Variants in ERBB4 observed in about 807,000 individuals in gnomAD.
ERBB4 encodes the protein receptor tyrosine-protein kinase erbB-4.
ERBB4 carries 42 observed loss-of-function variants against 158.0 expected under a neutral mutation model. That is an observed-to-expected ratio of 0.27 (90% CI 0.21 to 0.34). The LOEUF (loss-of-function observed/expected upper bound fraction) is 0.34, where lower values mean the gene tolerates loss of function less well. ERBB4 is among the 10% of genes least tolerant of loss of function. ERBB4 has a pLI of 1.00. For missense variants in ERBB4, 1,333 were observed against 1,624.1 expected (o/e 0.82, Z 3.08); for synonymous variants, 583 against 558.7 (o/e 1.04, Z -0.61).
intron 2 of ERBB4, among the ~76,000 whole-genome samples, chr2:212,001,105 G>T (rs1575496485): frequency 6.6e-6 from 1 of 151,848 alleles, no homozygotes; most frequent in Non-Finnish European, 1.5e-5. Context: ...CTAAATATTG[G>T]ATTATTTTTA....
intron 1 of ERBB4, among the ~76,000 whole-genome samples, chr2:212,375,118 A>G (rs1033934872): frequency 3.3e-5 from 5 of 152,020 alleles, no homozygotes; most frequent in African/African-American, 1.2e-4. Context: ...CTAATATAAC[A>G]CATTACTCTA....
intron 3 of ERBB4, among the ~76,000 whole-genome samples, chr2:211,875,036 A>AAAAAAAAAAAAAAAC (rs2078458140): frequency 6.9e-6 from 1 of 144,572 alleles, no homozygotes; most frequent in African/African-American, 2.5e-5. Flanking sequence ...AAAAAAAAAA[A>AAAAAAAAAAAAAAAC]AAAAAAAAAA....
At chr2:212,365,382 G>A (rs2089850021) in intron 1 of ERBB4, among the ~76,000 whole-genome samples, 1 of 151,606 alleles carries the variant, frequency 6.6e-6, no homozygotes, top group African/African-American at 2.4e-5. Flanking sequence ...AGACTGATGG[G>A]AAAATATGAA....
Position 211,903,974 on chromosome 2 carries a change from A to G in ERBB4, c.421+43456T>C, listed in dbSNP as rs114446044. 3.5e-3 allele frequency among the ~76,000 whole-genome samples: 535 copies of G among 152,236 alleles called. 3 individuals carry two copies. Among genetic ancestry groups the G allele is most frequent in the African/African-American group, 0.012 (509 of 41,560 alleles). ...GAACTCAAAACTAGCTGAAAGAACA[A>G]AATTACAACACATCAAATTATTAGC... On this transcript the variant is annotated intron_variant, in intron 3 of 27. Coordinates refer to ENST00000342788, the MANE Select transcript of ERBB4 (RefSeq NM_005235.3).
intron 20 of ERBB4, among the ~76,000 whole-genome samples, chr2:211,432,288 C>T (rs1237640446): frequency 6.6e-6 from 1 of 152,118 alleles, no homozygotes. Flanking sequence ...ACACATAAAT[C>T]ACACAGGTCA....
chr2:212,285,893 T>G (rs918630727), intron 1 of ERBB4, among the ~76,000 whole-genome samples: 1 of 152,208 alleles, frequency 6.6e-6, no homozygotes, highest in Non-Finnish European at 1.5e-5. Flanking sequence ...ATTTCTTGGA[T>G]GATAGGCCCC....
intron 23 of ERBB4, 96 bp from the exon 24 acceptor site, chr2:211,422,200 G>T: frequency 2.7e-5 from 20 of 752,338 alleles, no homozygotes; most frequent in East Asian, 2.9e-5. Context: ...TTTGAAAAAT[G>T]TTGTTTTAAT....
intron 2 of ERBB4, among the ~76,000 whole-genome samples, chr2:212,075,787 T>G (rs189107279): frequency 6.6e-6 from 1 of 152,054 alleles, no homozygotes; most frequent in East Asian, 1.9e-4. Flanking sequence ...TCTCATTTAT[T>G]TTTGAATTTT....
intron 16 of ERBB4, among the ~76,000 whole-genome samples, chr2:211,656,728 T>A (rs1020877535): frequency 6.6e-6 from 1 of 152,208 alleles, no homozygotes; most frequent in African/African-American, 2.4e-5. Flanking sequence ...ATGCAGTATG[T>A]ATTTTTTTTA....
chr2:212,362,258 T>C (rs2089716121), intron 1 of ERBB4, among the ~76,000 whole-genome samples: 1 of 151,454 alleles, frequency 6.6e-6, no homozygotes, highest in Admixed American at 6.6e-5. Flanking sequence ...AAATAAAGAC[T>C]TTGTAACTCA....
chr2:212,125,174 G>T, intron 1 of ERBB4: 1 of 407,328 alleles, frequency 2.5e-6, no homozygotes, highest in East Asian at 4.8e-5. Context: ...CATTTGTTAT[G>T]ACCATATAAA....
chr2:212,519,113 C>T (rs1052709931), intron 1 of ERBB4, among the ~76,000 whole-genome samples: 9 of 151,926 alleles, frequency 5.9e-5, no homozygotes, highest in African/African-American at 9.7e-5. Context: ...ACCTAAACTG[C>T]GTTTCTACAC....
intron 1 of ERBB4, among the ~76,000 whole-genome samples, chr2:212,361,659 C>A (rs948555191): frequency 6.6e-6 from 1 of 151,612 alleles, no homozygotes; most frequent in African/African-American, 2.4e-5. Context: ...ATAGTTAGGG[C>A]AAGGGGCTTG....
intron 3 of ERBB4, among the ~76,000 whole-genome samples, chr2:211,915,261 T>C (rs965807011): frequency 6.6e-6 from 1 of 152,124 alleles, no homozygotes; most frequent in Non-Finnish European, 1.5e-5. Flanking sequence ...CTACCATTCC[T>C]TGGTAGCTAA....
chr2:211,661,768 G>A (rs535887831), intron 15 of ERBB4, among the ~76,000 whole-genome samples: 2 of 151,712 alleles, frequency 1.3e-5, no homozygotes, highest in African/African-American at 2.4e-5. Flanking sequence ...GGCCGGGCGC[G>A]GTGGCTCACG....
intron 1 of ERBB4, among the ~76,000 whole-genome samples, chr2:212,504,010 T>C (rs1259395503): frequency 6.6e-6 from 1 of 152,238 alleles, no homozygotes; most frequent in Non-Finnish European, 1.5e-5. Flanking sequence ...AAAATGTCCA[T>C]CTATTTAACA....
chr2:211,652,178 T>G (rs1055294854), intron 16 of ERBB4, among the ~76,000 whole-genome samples: 4 of 152,258 alleles, frequency 2.6e-5, no homozygotes, highest in African/African-American at 7.2e-5. Context: ...CTGAGACGTT[T>G]TGCTCTTCCC....
rs2076485662 is a variant in ERBB4, at chr2:212,015,044, ATATATATATATATATATATATATATAT to A, written c.235-67455_235-67429del. 3.4e-3 allele frequency among the ~76,000 whole-genome samples: 14 copies of A among 4,116 alleles called. 5 individuals are homozygous for A. The highest frequency in any genetic ancestry group is 0.013 in the Admixed American group (4 of 302). 2.7% of individuals were successfully genotyped at this position (4,116 alleles called of 152,430 possible). ...CGTCTCTACTAAAAAAAAAAAAAAT[ATATATATATATATATATATATATATAT>A]ATATATATATATATATATATATATA... is the stretch of plus-strand genomic sequence containing the variant. On this transcript the variant is annotated intron_variant, in intron 2 of 27. Transcript: ENST00000342788.
chr2:212,199,610 A>AT (rs2082532589), intron 1 of ERBB4, among the ~76,000 whole-genome samples: 1 of 152,152 alleles, frequency 6.6e-6, no homozygotes, highest in Non-Finnish European at 1.5e-5. Flanking sequence ...GTTATAATGC[A>AT]TTATAGAGAG....
Sources: allele counts gnomAD v4.1 joint callset (sites outside exome capture counted in the v4.1 genomes callset), GRCh38; gene constraint gnomAD v4.1.1; transcripts MANE v1.5; gene names NCBI Gene and HGNC (gene_info 2026-07-23, HGNC 2026-07-21).